ROBO2: variants seen among roughly 807,000 people sequenced by gnomAD.
ROBO2 encodes roundabout homolog 2.
Under a neutral mutation model 160.8 loss-of-function variants are expected in ROBO2, and 53 were observed. The ratio of observed to expected loss-of-function variants is 0.33; its 90% confidence interval spans 0.26 to 0.41. The LOEUF (loss-of-function observed/expected upper bound fraction) is 0.41. ROBO2 is among the 10% of genes least tolerant of loss of function. The pLI is 1.00. For missense variants in ROBO2, 1,577 were observed against 1,722.4 expected, an observed-to-expected ratio of 0.92 and a Z score of 1.49; for synonymous variants, 664 against 611.7, an observed-to-expected ratio of 1.09 and a Z score of -1.26.
intron 2 of ROBO2, among the ~76,000 whole-genome samples, chr3:77,160,843 A>C (rs1294056040): frequency 1.3e-5 from 2 of 152,288 alleles, no homozygotes; most frequent in Non-Finnish European, 1.5e-5. Flanking sequence ...TGTAATTTTA[A>C]AGTAAAACAT....
At chr3:77,481,754 T>C (rs2084721321) in intron 4 of ROBO2, among the ~76,000 whole-genome samples, 1 of 152,190 alleles carries the variant, frequency 6.6e-6, no homozygotes, top group South Asian at 2.1e-4. Flanking sequence ...ATATTCATGT[T>C]CCTTCAACTT....
intron 2 of ROBO2, among the ~76,000 whole-genome samples, chr3:77,113,008 A>G (rs2073823558): frequency 6.6e-6 from 1 of 152,210 alleles, no homozygotes; most frequent in Admixed American, 6.5e-5. Context: ...TCCTATACAC[A>G]AGGAATTCAA....
chr3:76,469,549 T>TC (rs2078541597), intron 2 of ROBO2, among the ~76,000 whole-genome samples: 1 of 151,996 alleles, frequency 6.6e-6, no homozygotes, highest in African/African-American at 2.4e-5. Flanking sequence ...ACGCATACTG[T>TC]CCCCCCACAC....
At chr3:77,496,172 A>G (rs1398896784) in intron 5 of ROBO2, among the ~76,000 whole-genome samples, 1 of 152,208 alleles carries the variant, frequency 6.6e-6, no homozygotes, top group Non-Finnish European at 1.5e-5. Context: ...CCAGCATATT[A>G]TGGTAGTACT....
At chr3:76,057,528 A>G (rs1029136810) in intron 2 of ROBO2, among the ~76,000 whole-genome samples, 4 of 152,184 alleles carry the variant, frequency 2.6e-5, no homozygotes, top group Non-Finnish European at 4.4e-5. Flanking sequence ...TGTGCTGCAC[A>G]CTTCTGCATT....
At chr3:77,395,609 C>A (rs2075198092) in intron 2 of ROBO2, among the ~76,000 whole-genome samples, 1 of 152,106 alleles carries the variant, frequency 6.6e-6, no homozygotes, top group Middle Eastern at 3.2e-3. Flanking sequence ...GTCAACTCAA[C>A]AAGTTTTTCT....
At chr3:76,746,725 G>C (rs2093899078) in intron 2 of ROBO2, among the ~76,000 whole-genome samples, 1 of 152,094 alleles carries the variant, frequency 6.6e-6, no homozygotes, top group Non-Finnish European at 1.5e-5. Context: ...GTGCCACGGT[G>C]GTTTGCTGCA....
chr3:76,572,899 T>G (rs963565105), intron 2 of ROBO2, among the ~76,000 whole-genome samples: 1 of 152,172 alleles, frequency 6.6e-6, no homozygotes, highest in East Asian at 1.9e-4. Context: ...TGTGCAGTCT[T>G]GGAATGCTAT....
intron 2 of ROBO2, among the ~76,000 whole-genome samples, chr3:77,125,563 C>T (rs1241571914): frequency 1.3e-5 from 2 of 152,114 alleles, no homozygotes; most frequent in Non-Finnish European, 2.9e-5. Context: ...TGAAAGAAGA[C>T]AAACGCTGAC....
intron 1 of ROBO2, among the ~76,000 whole-genome samples, chr3:77,080,090 T>C (rs574533187): frequency 5.9e-5 from 9 of 152,320 alleles, no homozygotes; most frequent in Admixed American, 2.0e-4. Flanking sequence ...TCTTCCTGTA[T>C]TTTTCTTCTC....
At chr3:77,136,641 A>ATT (rs1328396109) in intron 2 of ROBO2, among the ~76,000 whole-genome samples, 24 of 140,268 alleles carry the variant, frequency 1.7e-4, no homozygotes, top group East Asian at 4.2e-4. Flanking sequence ...CACCCAATTA[A>ATT]TTTTTTTTTT....
chr3:77,418,146 T>TTA (rs1217425112), intron 2 of ROBO2, among the ~76,000 whole-genome samples: 2 of 141,472 alleles, frequency 1.4e-5, no homozygotes. Flanking sequence ...ATATTTTTTT[T>TTA]ACCTACAGAA....
chr3:76,912,912 A>G (rs1022929683), intron 2 of ROBO2, among the ~76,000 whole-genome samples: 3 of 152,156 alleles, frequency 2.0e-5, no homozygotes, highest in Admixed American at 6.5e-5. Context: ...TCCAATCCAG[A>G]ACCTAGTGAG....
intron 2 of ROBO2, among the ~76,000 whole-genome samples, chr3:76,107,697 A>T (rs2108212984): frequency 6.6e-6 from 1 of 152,220 alleles, no homozygotes; most frequent in East Asian, 1.9e-4. Context: ...ACACAATTAT[A>T]CTCAAAATTA....
At chr3:77,284,614 A>G (rs7433256) in intron 2 of ROBO2, among the ~76,000 whole-genome samples, 140,610 of 152,080 alleles carry the variant, frequency 0.92, 65,761 homozygotes, top group East Asian at 1. Flanking sequence ...AGTGGGTAGC[A>G]TGGTTTTGTA....
exon 16 of ROBO2, chr3:77,580,059 T>C (rs779872601): frequency 6.2e-7 from 1 of 1,613,726 alleles, no homozygotes. Context: ...CGGGTAGAGG[T>C]TGCAGCTAGT....
chr3:77,315,711 G>A (rs953746095), intron 2 of ROBO2, among the ~76,000 whole-genome samples: 5 of 152,114 alleles, frequency 3.3e-5, no homozygotes, highest in African/African-American at 1.2e-4. Flanking sequence ...TGGCTACATG[G>A]ATGGCAAGGT....
At chr3:76,407,070 C>CT (rs34479649) in intron 2 of ROBO2, among the ~76,000 whole-genome samples, 3 of 136,388 alleles carry the variant, frequency 2.2e-5, no homozygotes, top group African/African-American at 8.1e-5. Context: ...TGCAATGTTT[C>CT]TTTTTTTAGA....
At chr3:76,623,909 C>T (rs545380200) in intron 2 of ROBO2, among the ~76,000 whole-genome samples, 76 of 152,094 alleles carry the variant, frequency 5.0e-4, no homozygotes, top group Non-Finnish European at 9.6e-4. Flanking sequence ...ATAATGAGGC[C>T]TCTGACATCT....
Sources: gnomAD v4.1 joint callset for allele counts (sites outside exome capture counted in the v4.1 genomes callset) on GRCh38, gnomAD v4.1.1 for gene constraint, MANE v1.5 for transcripts, NCBI Gene and HGNC (gene_info 2026-07-23, HGNC 2026-07-21) for gene names.